FBLN1: variants seen among roughly 807,000 people sequenced by gnomAD.
FBLN1 encodes the protein fibulin 1.
Under a neutral mutation model 89.7 loss-of-function variants are expected in FBLN1, and 34 were observed. The observed-to-expected ratio is 0.38, with a 90% confidence interval of 0.29 to 0.50. The LOEUF (loss-of-function observed/expected upper bound fraction) is 0.50. Among genes scored for constraint, FBLN1 ranks in the 20% least tolerant of loss-of-function variants. FBLN1 has a pLI of 0.92. For missense variants in FBLN1, 777 were observed against 988.1 expected (o/e 0.79, Z 2.86); for synonymous variants, 393 against 391.3 (o/e 1.00, Z -0.05).
rs1220215085 is a variant in FBLN1, at chr22:45,531,817, C to T, written c.544+493C>T. ...CAGGGCCAGAGCTGGTGTGGAAAGC[C>T]TGCACGTTACCGAGCCCCCAGGCCT... is the stretch of plus-strand genomic sequence containing the variant. On this transcript the variant is annotated intron_variant, in intron 5 of 16. Coordinates refer to ENST00000327858, the MANE Select transcript of FBLN1 (RefSeq NM_006486.3). The surrounding 1 kb of genome is among the most constrained non-coding windows in gnomAD (Gnocchi z 4.9). Among the ~76,000 whole-genome samples, 1 of 152,174 alleles carries T rather than the reference C, an allele frequency of 6.6e-6. No individual in the cohort carries two copies. The highest frequency in any genetic ancestry group is 2.4e-5 in the African/African-American group (1 of 41,444).
chr22:45,555,781 A>G, intron 14 of FBLN1, among the ~76,000 whole-genome samples: 1 of 152,204 alleles, frequency 6.6e-6, no homozygotes, highest in Non-Finnish European at 1.5e-5. Context: ...AATAAAGACA[A>G]TAATAAGATC....
intron 16 of FBLN1, among the ~76,000 whole-genome samples, chr22:45,594,315 A>C (rs1343802175): frequency 6.6e-6 from 1 of 152,118 alleles, no homozygotes; most frequent in Non-Finnish European, 1.5e-5. Context: ...TGGTTCTCTG[A>C]GACTGACGAA....
At chr22:45,542,336 G>A in intron 10 of FBLN1, 53 bp downstream of exon 10, 1 of 1,610,564 alleles carries the variant, frequency 6.2e-7, no homozygotes, top group Non-Finnish European at 8.5e-7. Flanking sequence ...TGGCACCAGG[G>A]ACACATTTCT....
chr22:45,504,982 G>C (rs1177791603), intron 1 of FBLN1, among the ~76,000 whole-genome samples: 1 of 152,220 alleles, frequency 6.6e-6, no homozygotes, highest in Non-Finnish European at 1.5e-5. Flanking sequence ...CCGAAGCCCT[G>C]TATGTAAGGC....
At chr22:45,558,174 A>C (rs2088812311) in intron 14 of FBLN1, 1 of 704,764 alleles carries the variant, frequency 1.4e-6, no homozygotes, top group African/African-American at 1.8e-5. Flanking sequence ...TTCCTCATGT[A>C]ACTTAACTTG....
Position 45,563,326 on chromosome 22 carries a change from G to A in FBLN1, c.1698-11185G>A. The A allele has an allele frequency of 6.2e-7, 1 of 1,610,252 alleles. No homozygotes were observed. The highest frequency in any genetic ancestry group is 1.3e-5 in the African/African-American group (1 of 75,044). ...TGCTTTCCTAACCCTGCCCTCCGGG[G>A]CGTTAATAAAGTCTTAGCAAGCGTC... On this transcript the variant is annotated intron_variant, in intron 14 of 16. Coordinates refer to ENST00000327858, the MANE Select transcript of FBLN1 (RefSeq NM_006486.3). The surrounding 1 kb of genome is among the most constrained non-coding windows in gnomAD (Gnocchi z 5.7).
At chr22:45,595,768 C>G in intron 16 of FBLN1, among the ~76,000 whole-genome samples, 1 of 152,298 alleles carries the variant, frequency 6.6e-6, no homozygotes. Context: ...TATTAGAATG[C>G]TTTTTGATAG....
rs2089038798 is a variant in FBLN1, at chr22:45,581,170, G to C, written c.1972+4062G>C. Among the ~76,000 whole-genome samples the C allele has an allele frequency of 6.6e-6, 1 of 152,184 alleles. No homozygotes were observed. Among genetic ancestry groups the C allele is most frequent in the Non-Finnish European group, 1.5e-5 (1 of 68,036 alleles). On this transcript the variant is annotated intron_variant, in intron 16 of 16. Coordinates refer to ENST00000327858, the MANE Select transcript of FBLN1 (RefSeq NM_006486.3). This position sits in a 1 kb window ranked among gnomAD's most constrained non-coding sequence, Gnocchi z 7.6. ...GCCCTGGCTGCAGCAGGGGCGGGCTGTGTATCATCAGCGTGCGGAAGAGAG... is the reference window on the plus strand; with the variant it reads ...GCCCTGGCTGCAGCAGGGGCGGGCTCTGTATCATCAGCGTGCGGAAGAGAG...
Position 45,536,073 on chromosome 22 carries a change from G to A in FBLN1, c.922+736G>A, listed in dbSNP as rs917703032. On this transcript the variant is annotated intron_variant, in intron 8 of 16. Coordinates refer to ENST00000327858, the MANE Select transcript of FBLN1 (RefSeq NM_006486.3). This position sits in a 1 kb window ranked among gnomAD's most constrained non-coding sequence, Gnocchi z 5.1. Reference sequence around the variant, plus strand: ...GCCTACAGTCCCAGCTACTTGGGAGGCTGAGGTGGGAGGATCCCTTGAGCA... The same window carrying A: ...GCCTACAGTCCCAGCTACTTGGGAGACTGAGGTGGGAGGATCCCTTGAGCA... 7.9e-5 allele frequency among the ~76,000 whole-genome samples: 12 copies of A among 152,308 alleles called. No individual in the cohort carries two copies. The highest frequency in any genetic ancestry group is 7.2e-4 in the Admixed American group (11 of 15,300).
intron 2 of FBLN1, among the ~76,000 whole-genome samples, chr22:45,520,707 C>G (rs569490236): frequency 6.6e-6 from 1 of 152,146 alleles, no homozygotes. Flanking sequence ...GAACTGAGGC[C>G]GCAGATTCAG....
At chr22:45,543,575 T>C (rs1230584235) in intron 11 of FBLN1, 49 bp downstream of exon 11, 3 of 1,602,060 alleles carry the variant, frequency 1.9e-6, no homozygotes, top group Admixed American at 1.7e-5. Flanking sequence ...ACCTTCCTCC[T>C]GGGGAAGCCA....
Position 45,563,233 on chromosome 22 carries a change from CA to C in FBLN1, c.1698-11276del. On this transcript the variant is annotated intron_variant, in intron 14 of 16. Coordinates refer to ENST00000327858, the MANE Select transcript of FBLN1 (RefSeq NM_006486.3). The surrounding 1 kb of genome is among the most constrained non-coding windows in gnomAD (Gnocchi z 5.7). ...ACGGCACCGTCAGCTCCTTTGTGGC[CA>C]AGCTTTTCATCTTTGTGTCTGCAGA... The C allele has an allele frequency of 6.2e-7, 1 of 1,613,798 alleles. No homozygotes were observed. The highest frequency in any genetic ancestry group is 8.5e-7 in the Non-Finnish European group (1 of 1,180,046).
chr22:45,574,726 C>G lies in FBLN1; in HGVS notation c.1840+73C>G. 7.5e-7 allele frequency: 1 copy of G among 1,327,666 alleles called. No individual in the cohort carries two copies. The highest frequency in any genetic ancestry group is 1.2e-5 in the South Asian group (1 of 82,244). 82.2% of individuals were successfully genotyped at this position (1,327,666 alleles called of 1,614,324 possible). ...CGGCTTCAGCTGAGGGCTTGGCCTA[C>G]AGGAGTTGTTCCTTGTAAGATGTGG... On this transcript the variant is annotated intron_variant, in intron 15 of 16. Coordinates refer to ENST00000327858, the MANE Select transcript of FBLN1 (RefSeq NM_006486.3). This position sits in a 1 kb window ranked among gnomAD's most constrained non-coding sequence, Gnocchi z 4.1.
At chr22:45,565,364 T>C (rs2088893492) in intron 14 of FBLN1, 6 of 1,090,968 alleles carry the variant, frequency 5.5e-6, no homozygotes, top group Non-Finnish European at 7.1e-6. Context: ...TCCATGTGCT[T>C]GTACCCTGGC....
intron 12 of FBLN1, 44 bp downstream of exon 12, chr22:45,547,248 C>G: frequency 6.2e-7 from 1 of 1,609,786 alleles, no homozygotes; most frequent in Non-Finnish European, 8.5e-7. Context: ...ACCCCCTGGT[C>G]TTGCCATGAC....
At position 45,557,953 on chromosome 22, in the gene FBLN1, C is replaced by G; in HGVS notation, c.1697+7338C>G. The G allele has an allele frequency of 1.5e-6, 1 of 676,060 alleles. No homozygotes were observed. The highest frequency in any genetic ancestry group is 2.8e-6 in the Non-Finnish European group (1 of 360,258). The allele number at this position is 676,060 out of a possible 1,614,324, so 41.9% of individuals were successfully genotyped here. On this transcript the variant is annotated intron_variant, in intron 14 of 16. Coordinates refer to ENST00000327858, the MANE Select transcript of FBLN1 (RefSeq NM_006486.3). This position sits in a 1 kb window ranked among gnomAD's most constrained non-coding sequence, Gnocchi z 4.9. ...TGGGAAGATTTCCCTTTGCCACTGT[C>G]CTTCAGGGATGTCCTAGAAAGGGGC...
At position 45,574,590 on chromosome 22, in the gene FBLN1, G is replaced by A. The variant is rs1156614010; in HGVS notation, c.1777G>A (p.Val593Met). Reference protein sequence around the residue: ...PNDVTCVFDPVHTISHTVISL... With the variant: ...PNDVTCVFDPMHTISHTVISL... ...CGATGTCACATGCGTGTTCGACCCC[G>A]TGCACACCATCTCCCACACCGTCAT... is the stretch of plus-strand genomic sequence containing the variant. Residue 593 changes from valine (V) to methionine (M), a missense_variant, in exon 15 of 17, where the codon GTG (valine) becomes ATG (methionine). Coordinates refer to ENST00000327858, the MANE Select transcript of FBLN1 (RefSeq NM_006486.3). This position sits in a 1 kb window ranked among gnomAD's most constrained non-coding sequence, Gnocchi z 4.1. 13 of 1,613,942 alleles carry A rather than the reference G, an allele frequency of 8.1e-6. No homozygotes were observed. Among genetic ancestry groups the A allele is most frequent in the Admixed American group, 3.3e-5 (2 of 59,986 alleles).
chr22:45,565,078 C>T (rs1005829479), intron 14 of FBLN1: 21 of 1,598,774 alleles, frequency 1.3e-5, no homozygotes, highest in Non-Finnish European at 1.8e-5. Context: ...GAGCCCTTTT[C>T]CCCACGGCCC....
At chr22:45,599,314 T>C (rs1178923356) in intron 16 of FBLN1, among the ~76,000 whole-genome samples, 2 of 152,194 alleles carry the variant, frequency 1.3e-5, no homozygotes, top group African/African-American at 4.8e-5. Context: ...ACTGCTGCTC[T>C]GATCCTCTGT....
Sources: allele counts gnomAD v4.1 joint callset (sites outside exome capture counted in the v4.1 genomes callset), GRCh38; gene constraint gnomAD v4.1.1; non-coding constraint Gnocchi (gnomAD v3.1); transcripts MANE v1.5; gene names NCBI Gene and HGNC (gene_info 2026-07-23, HGNC 2026-07-21).